CARNMT1: variants seen among roughly 807,000 people sequenced by gnomAD.
The protein encoded by CARNMT1 is protein-L-histidine N-pros-methyltransferase CARNMT1.
Under a neutral mutation model 49.6 loss-of-function variants are expected in CARNMT1, and 28 were observed. That is an observed-to-expected ratio of 0.56 (90% CI 0.42 to 0.77). The LOEUF (loss-of-function observed/expected upper bound fraction) is 0.77. CARNMT1 is among the 30% of genes least tolerant of loss of function. The pLI is 0.00. For missense variants in CARNMT1, 421 were observed against 512.6 expected (o/e 0.82, Z 1.73); for synonymous variants, 178 against 175.0 (o/e 1.02, Z -0.13).
chr9:74,998,527 C>T (rs1833262177), intron 5 of CARNMT1, 71 bp downstream of exon 5: 1 of 1,264,400 alleles, frequency 7.9e-7, no homozygotes, highest in Non-Finnish European at 1.1e-6. Context: ...TAAACCTTGG[C>T]TTAGGATAAA....
At chr9:75,013,724 C>T (rs1002732924) in intron 3 of CARNMT1, among the ~76,000 whole-genome samples, 1 of 151,938 alleles carries the variant, frequency 6.6e-6, no homozygotes, top group African/African-American at 2.4e-5. Context: ...AACAAAAAGG[C>T]CAGGCACAGT....
In CARNMT1 at chr9:74,999,772, C is replaced by T; in HGVS notation, c.689G>A (p.Trp230Ter). 1.2e-6 allele frequency: 2 copies of T among 1,612,210 alleles called. No individual in the cohort carries two copies. The highest frequency in any genetic ancestry group is 1.7e-6 in the Non-Finnish European group (2 of 1,179,028). Residue 230 changes from tryptophan to a stop codon, truncating the protein, a stop_gained, in exon 4 of 8, where the codon TGG becomes TAG. Transcript: ENST00000376834. LOFTEE classifies it high-confidence loss of function. ...MLGYACQGNE[W>*]SFFMLFSSNF... Reference sequence around the variant, plus strand: ...GGAAGAAAAGAGCATAAAAAAACTCCATTCATTTCCTTGACAAGCATAACC... The same window carrying T: ...GGAAGAAAAGAGCATAAAAAAACTCTATTCATTTCCTTGACAAGCATAACC...
intron 1 of CARNMT1, among the ~76,000 whole-genome samples, chr9:75,025,448 T>C (rs1359231789): frequency 1.3e-5 from 2 of 152,242 alleles, no homozygotes; most frequent in African/African-American, 4.8e-5. Flanking sequence ...CATCTTTGCT[T>C]GTTTACATTT....
intron 3 of CARNMT1, among the ~76,000 whole-genome samples, chr9:75,008,133 C>T (rs902538712): frequency 8.0e-6 from 1 of 124,722 alleles, no homozygotes; most frequent in Non-Finnish European, 1.6e-5. Flanking sequence ...TGTCTTGGGC[C>T]ACACATAAAA....
chr9:74,992,945 T>C (rs1429233622), intron 6 of CARNMT1, among the ~76,000 whole-genome samples: 1 of 152,210 alleles, frequency 6.6e-6, no homozygotes, highest in Non-Finnish European at 1.5e-5. Flanking sequence ...CAGGTCTATA[T>C]AATTAAAGCC....
At position 75,028,105 on chromosome 9, in the gene CARNMT1, G is replaced by A; in HGVS notation, c.137C>T (p.Ala46Val). Residue 46 changes from alanine to valine, a missense_variant, in exon 1 of 8, where the codon GCA becomes GTA. Coordinates refer to ENST00000376834, the MANE Select transcript of CARNMT1 (RefSeq NM_152420.3). Reference protein sequence around the residue: ...RWGSAAAVSAAAAAATRSTEE... With the variant: ...RWGSAAAVSAVAAAATRSTEE... ...GGTGCTGCGCGTGGCCGCCGCCGCT[G>A]CCGCCGAAACCGCCGCGGCCGAGCC... is the stretch of plus-strand genomic sequence containing the variant. The A allele has an allele frequency of 6.4e-7, 1 of 1,556,774 alleles. No individual in the cohort carries two copies. The highest frequency in any genetic ancestry group is 1.2e-5 in the South Asian group (1 of 85,242).
At chr9:75,024,591 T>G (rs1002577542) in intron 1 of CARNMT1, among the ~76,000 whole-genome samples, 2 of 152,230 alleles carry the variant, frequency 1.3e-5, no homozygotes, top group Non-Finnish European at 2.9e-5. Context: ...CTATATCCAT[T>G]TTTACCTTAA....
At chr9:75,027,678 T>C (rs947163613) in intron 1 of CARNMT1, among the ~76,000 whole-genome samples, 5 of 152,214 alleles carry the variant, frequency 3.3e-5, no homozygotes, top group Non-Finnish European at 7.3e-5. Flanking sequence ...CACCATCGTC[T>C]TCTATCTGAA....
At chr9:75,012,275 A>G (rs188555116) in intron 3 of CARNMT1, among the ~76,000 whole-genome samples, 15 of 150,308 alleles carry the variant, frequency 1.0e-4, no homozygotes, top group African/African-American at 3.7e-4. Context: ...GAGGGTCTTC[A>G]AGTTTTTGGT....
intron 6 of CARNMT1, among the ~76,000 whole-genome samples, chr9:74,990,957 T>C (rs1564092264): frequency 6.6e-6 from 1 of 152,088 alleles, no homozygotes; most frequent in Non-Finnish European, 1.5e-5. Flanking sequence ...ACCTAAAACA[T>C]AAAGATTGCC....
At chr9:75,005,066 T>G (rs1341885327) in intron 3 of CARNMT1, among the ~76,000 whole-genome samples, 1 of 152,192 alleles carries the variant, frequency 6.6e-6, no homozygotes, top group Non-Finnish European at 1.5e-5. Flanking sequence ...GGAAAAATTT[T>G]TTTTTAAATT....
At chr9:75,017,124 A>T in intron 2 of CARNMT1, 129 bp downstream of exon 2, 1 of 674,038 alleles carries the variant, frequency 1.5e-6, no homozygotes, top group Non-Finnish European at 2.5e-6. Flanking sequence ...CTGAACATTT[A>T]AGTTAAAACT....
intron 3 of CARNMT1, among the ~76,000 whole-genome samples, chr9:75,003,899 G>A (rs975506544): frequency 2.6e-5 from 4 of 152,112 alleles, no homozygotes; most frequent in South Asian, 2.1e-4. Flanking sequence ...GCTATGAGAC[G>A]GAGTCTCGCT....
At chr9:75,007,614 A>G (rs934862646) in intron 3 of CARNMT1, among the ~76,000 whole-genome samples, 1 of 151,744 alleles carries the variant, frequency 6.6e-6, no homozygotes, top group Non-Finnish European at 1.5e-5. Flanking sequence ...CTGTAATCCC[A>G]GCTACTCGGG....
At chr9:75,001,947 T>C (rs918835941) in intron 3 of CARNMT1, among the ~76,000 whole-genome samples, 2 of 151,972 alleles carry the variant, frequency 1.3e-5, no homozygotes, top group Non-Finnish European at 2.9e-5. Flanking sequence ...GCATACAATA[T>C]GTGGCTCAGT....
chr9:74,998,446 T>C (rs1461392344), intron 5 of CARNMT1, 152 bp downstream of exon 5: 10 of 572,538 alleles, frequency 1.7e-5, no homozygotes, highest in Non-Finnish European at 2.8e-5. Flanking sequence ...CACTGCCTTG[T>C]ACACGACCTT....
At chr9:74,996,898 AAAT>A (rs1340315679) in intron 5 of CARNMT1, among the ~76,000 whole-genome samples, 2 of 152,208 alleles carry the variant, frequency 1.3e-5, no homozygotes, top group African/African-American at 4.8e-5. Flanking sequence ...ACTTAAAACA[AAAT>A]AATAGTCATT....
chr9:75,018,793 C>T (rs1426420083), intron 1 of CARNMT1, among the ~76,000 whole-genome samples: 1 of 151,982 alleles, frequency 6.6e-6, no homozygotes, highest in Non-Finnish European at 1.5e-5. Flanking sequence ...CACGGTGAAA[C>T]CCCATCTCTA....
At chr9:74,995,294 CTA>C (rs1491468687) in intron 6 of CARNMT1, among the ~76,000 whole-genome samples, 1 of 152,160 alleles carries the variant, frequency 6.6e-6, no homozygotes, top group Non-Finnish European at 1.5e-5. Flanking sequence ...ACCCAAGACT[CTA>C]AGTCTCTTCA....
Sources: gnomAD v4.1 joint callset for allele counts (sites outside exome capture counted in the v4.1 genomes callset) on GRCh38, gnomAD v4.1.1 for gene constraint, MANE v1.5 for transcripts, NCBI Gene and HGNC (gene_info 2026-07-23, HGNC 2026-07-21) for gene names.